Variants in DMD observed in about 807,000 individuals in gnomAD.
The protein encoded by DMD is mutant dystrophin.
A neutral mutation model predicts 330.1 loss-of-function variants in DMD; 63 were observed. The ratio of observed to expected loss-of-function variants is 0.19; its 90% CI spans 0.16 to 0.24. DMD has a LOEUF of 0.24. Among genes scored for constraint, DMD ranks in the 10% least tolerant of loss-of-function variants. DMD has a pLI of 1.00. For missense variants in DMD, 3,344 were observed against 2,684.1 expected, an observed-to-expected ratio of 1.25 and a Z score of -5.43; for synonymous variants, 1,223 against 959.8, an observed-to-expected ratio of 1.27 and a Z score of -5.07.
chrX:31,128,917 C>T (rs2034109736), intron 77 of DMD, among the ~76,000 whole-genome samples: 1 of 112,251 alleles, frequency 8.9e-6, no homozygotes, highest in Non-Finnish European at 1.9e-5. Context: ...TACTTGATTA[C>T]AACATTTTTA....
intron 61 of DMD, among the ~76,000 whole-genome samples, chrX:31,340,061 A>T (rs1245776493): frequency 8.9e-6 from 1 of 112,237 alleles, no homozygotes; most frequent in African/African-American, 3.2e-5. Context: ...TGTAGTGGGG[A>T]ATGTCCAGGA....
At chrX:32,778,700 C>A (rs1409743591) in intron 7 of DMD, among the ~76,000 whole-genome samples, 2 of 111,407 alleles carry the variant, frequency 1.8e-5, no homozygotes, top group Admixed American at 1.9e-4. Flanking sequence ...TTCTTCAAAG[C>A]GAACAACAGT....
At chrX:32,957,850 G>A (rs1418783036) in intron 2 of DMD, among the ~76,000 whole-genome samples, 1 of 111,726 alleles carries the variant, frequency 9.0e-6, no homozygotes, top group African/African-American at 3.2e-5. Context: ...TGATGGCATA[G>A]GCTCCAGATG....
chrX:32,715,175 G>A (rs1214358284), intron 7 of DMD, among the ~76,000 whole-genome samples: 1 of 110,979 alleles, frequency 9.0e-6, no homozygotes, highest in Non-Finnish European at 1.9e-5. Context: ...AATATTACTT[G>A]GCCTTTAAAA....
At chrX:33,008,937 C>G (rs1250263922) in intron 2 of DMD, among the ~76,000 whole-genome samples, 1 of 90,980 alleles carries the variant, frequency 1.1e-5, no homozygotes, top group Non-Finnish European at 2.2e-5. Context: ...TGTATATATA[C>G]ACACGTATAT....
At chrX:33,258,833 A>G (rs955557054) in intron 1 of DMD, among the ~76,000 whole-genome samples, 1 of 111,412 alleles carries the variant, frequency 9.0e-6, no homozygotes, top group African/African-American at 3.3e-5. Context: ...TACTCAATTA[A>G]AACTCATGCT....
At chrX:32,305,615 C>T (rs1408344518) in intron 42 of DMD, among the ~76,000 whole-genome samples, 2 of 111,251 alleles carry the variant, frequency 1.8e-5, no homozygotes, top group East Asian at 5.7e-4. Flanking sequence ...TTATTGGTCC[C>T]CTACAGTTCT....
intron 52 of DMD, among the ~76,000 whole-genome samples, chrX:31,723,838 C>T (rs1180820870): frequency 1.8e-5 from 2 of 111,511 alleles, no homozygotes; most frequent in Non-Finnish European, 3.8e-5. Context: ...CCACTAAGCC[C>T]TCATTTAAAA....
In DMD at chrX:32,878,875, G is replaced by A. The variant is rs6631658; in HGVS notation, c.94-29055C>T. Among the ~76,000 whole-genome samples, 22 of 108,597 alleles carry A rather than the reference G, an allele frequency of 2.0e-4. No individual in the cohort carries two copies. In the East Asian group the frequency reaches 6.1e-3, roughly 30 times the overall value. 94.3% of individuals were successfully genotyped at this position (108,597 alleles called of 115,157 possible). On this transcript the variant is annotated intron_variant, in intron 2 of 78. Coordinates refer to ENST00000357033, the MANE Select transcript of DMD (RefSeq NM_004006.3). The stretch of plus-strand genomic sequence containing the variant: ...ACACAAAAATTAGCCGGGCACAGTG[G>A]CAGGTACCTGTAATCCCAGCTACTG...
intron 76 of DMD, among the ~76,000 whole-genome samples, chrX:31,137,753 G>C (rs1284314226): frequency 9.0e-6 from 1 of 110,637 alleles, no homozygotes; most frequent in African/African-American, 3.3e-5. Context: ...TAGGTATCTT[G>C]AGTGGTGATG....
chrX:33,111,596 G>A, intron 1 of DMD, among the ~76,000 whole-genome samples: 1 of 111,449 alleles, frequency 9.0e-6, no homozygotes, highest in Non-Finnish European at 1.9e-5. Context: ...TTCTCTTAAT[G>A]TGCGTGTGTG....
intron 67 of DMD, among the ~76,000 whole-genome samples, chrX:31,199,923 C>A (rs1048879258): frequency 8.9e-6 from 1 of 112,074 alleles, no homozygotes; most frequent in African/African-American, 3.2e-5. Context: ...CTCCTGTTAT[C>A]TTTCCCTACA....
At chrX:32,902,946 C>T (rs1222178147) in intron 2 of DMD, among the ~76,000 whole-genome samples, 1 of 108,366 alleles carries the variant, frequency 9.2e-6, no homozygotes, top group African/African-American at 3.4e-5. Flanking sequence ...CACCCGAGGT[C>T]AGGAGTTTGA....
chrX:31,140,324 T>C (rs1249065351), intron 76 of DMD, among the ~76,000 whole-genome samples: 1 of 112,686 alleles, frequency 8.9e-6, no homozygotes, highest in Non-Finnish European at 1.9e-5. Flanking sequence ...TTCTCTTTTT[T>C]TTAAAAAGGA....
chrX:31,947,505 C>T (rs900369199), intron 45 of DMD, among the ~76,000 whole-genome samples: 4 of 111,808 alleles, frequency 3.6e-5, no homozygotes, highest in Non-Finnish European at 7.5e-5. Context: ...AGATCTTCCC[C>T]GACTGACTAC....
intron 18 of DMD, among the ~76,000 whole-genome samples, chrX:32,512,947 G>A (rs1343249715): frequency 8.9e-6 from 1 of 111,849 alleles, no homozygotes; most frequent in African/African-American, 3.3e-5. Context: ...TTTTTATCTA[G>A]ATGGCAGGAG....
At chrX:32,656,219 A>G (rs2060560095) in intron 9 of DMD, among the ~76,000 whole-genome samples, 1 of 111,901 alleles carries the variant, frequency 8.9e-6, no homozygotes, top group Non-Finnish European at 1.9e-5. Flanking sequence ...GGGCATAGAT[A>G]TGCTCTCTTC....
chrX:31,861,280 A>C (rs67314851), intron 48 of DMD, among the ~76,000 whole-genome samples: 33,929 of 109,928 alleles, frequency 0.31, 4,022 homozygotes, highest in African/African-American at 0.38. Flanking sequence ...TAGAAGATCA[A>C]AAAGGTTGAT....
intron 55 of DMD, among the ~76,000 whole-genome samples, chrX:31,526,786 C>A (rs752167941): frequency 8.9e-6 from 1 of 111,741 alleles, no homozygotes; most frequent in East Asian, 2.8e-4. Context: ...TATAGACTGA[C>A]AACTTTCACA....
Sources: gnomAD v4.1 joint callset for allele counts (sites outside exome capture counted in the v4.1 genomes callset) on GRCh38, gnomAD v4.1.1 for gene constraint, MANE v1.5 for transcripts, NCBI Gene and HGNC (gene_info 2026-07-23, HGNC 2026-07-21) for gene names.